The following MNAT1 variants were observed in gnomAD, a reference collection of about 807,000 sequenced individuals.
MNAT1 encodes CDK-activating kinase assembly factor MAT1.
In MNAT1, 43 loss-of-function variants were observed where a neutral mutation model predicts 42.0. That is an observed-to-expected ratio of 1.02 (90% CI 0.80 to 1.32). The LOEUF is 1.32. Ranked by LOEUF, MNAT1 falls within the 40% of genes most tolerant of loss-of-function variation. The pLI, the probability that MNAT1 is intolerant of heterozygous loss-of-function variation, is 0.00. For synonymous variants in MNAT1, 118 were observed against 120.0 expected (o/e 0.98, Z 0.11); for missense variants, 306 against 350.4 (o/e 0.87, Z 1.01).
intron 7 of MNAT1, among the ~76,000 whole-genome samples, chr14:60,933,327 A>T (rs1439941098): frequency 1.3e-5 from 2 of 152,040 alleles, no homozygotes; most frequent in East Asian, 3.8e-4. Context: ...TCTTCCGTAT[A>T]ATTTTGGCAT....
At chr14:60,787,418 G>A (rs999200484) in intron 1 of MNAT1, among the ~76,000 whole-genome samples, 1 of 152,146 alleles carries the variant, frequency 6.6e-6, no homozygotes, top group African/African-American at 2.4e-5. Context: ...TATAATCTTT[G>A]TGCTAGTAGA....
In MNAT1 at chr14:60,915,342, C is replaced by T. The variant is rs897184569; in HGVS notation, c.809+35507C>T. Reference sequence around the variant, plus strand: ...ATTATCTCTTAATGCAATTATATTACGTTTTGAAAATTGAGTCATCTTCCC... The same window carrying T: ...ATTATCTCTTAATGCAATTATATTATGTTTTGAAAATTGAGTCATCTTCCC... On this transcript the variant is annotated intron_variant, in intron 7 of 7. Coordinates refer to ENST00000261245, the MANE Select transcript of MNAT1 (RefSeq NM_002431.4). Among the ~76,000 whole-genome samples the T allele has an allele frequency of 9.2e-5, 14 of 152,184 alleles. No individual in the cohort carries two copies. The South Asian group carries it at 1.0e-3, about 11-fold the overall frequency.
chr14:60,823,607 C>T (rs1023494896), intron 6 of MNAT1, among the ~76,000 whole-genome samples: 1 of 152,144 alleles, frequency 6.6e-6, no homozygotes, highest in Non-Finnish European at 1.5e-5. Context: ...GCCTATAATC[C>T]CAGCACTTTG....
chr14:60,967,172 T>C (rs761614899), intron 7 of MNAT1, among the ~76,000 whole-genome samples: 4 of 152,332 alleles, frequency 2.6e-5, no homozygotes, highest in Admixed American at 2.0e-4. Context: ...TATATTGCTC[T>C]ATATGTTTTA....
At position 60,822,133 on chromosome 14, in the gene MNAT1, T is replaced by A. The variant is rs915117748; in HGVS notation, c.687+3286T>A. 5.3e-5 allele frequency among the ~76,000 whole-genome samples: 8 copies of A among 152,238 alleles called. No individual in the cohort carries two copies. In the East Asian group the frequency reaches 1.5e-3, roughly 29 times the overall value. ...TAACCTGGCTAGCCCTCTTAGATAG[T>A]CTTAGTGCTTTTCTTTGGCCTAAAG... On this transcript the variant is annotated intron_variant, in intron 6 of 7. Coordinates refer to ENST00000261245, the MANE Select transcript of MNAT1 (RefSeq NM_002431.4).
chr14:60,887,949 A>G (rs148204675), intron 7 of MNAT1, among the ~76,000 whole-genome samples: 145,280 of 145,790 alleles, frequency 1, 72,385 homozygotes, highest in Middle Eastern at 1. Flanking sequence ...AATTGTGGCA[A>G]TAATCAATAG....
At chr14:60,897,215 G>A (rs561063242) in intron 7 of MNAT1, among the ~76,000 whole-genome samples, 1 of 152,022 alleles carries the variant, frequency 6.6e-6, no homozygotes, top group South Asian at 2.1e-4. Context: ...TCATATATAT[G>A]GTTTCAGGCA....
intron 3 of MNAT1, among the ~76,000 whole-genome samples, chr14:60,806,922 A>C (rs953809889): frequency 2.6e-5 from 4 of 152,136 alleles, no homozygotes; most frequent in African/African-American, 7.2e-5. Context: ...CCTCCCTCTG[A>C]CTGTTTTGTG....
chr14:60,952,098 G>A (rs2036394695), intron 7 of MNAT1, among the ~76,000 whole-genome samples: 1 of 152,116 alleles, frequency 6.6e-6, no homozygotes, highest in Non-Finnish European at 1.5e-5. Flanking sequence ...ATGCAGGGCT[G>A]CAAGCCCAGT....
At chr14:60,920,483 G>A (rs749420597) in intron 7 of MNAT1, among the ~76,000 whole-genome samples, 4 of 151,948 alleles carry the variant, frequency 2.6e-5, no homozygotes, top group African/African-American at 9.7e-5. Flanking sequence ...GCAGTGGCGC[G>A]ATTTCGTCTC....
chr14:60,961,907 C>T (rs1303016378), intron 7 of MNAT1, among the ~76,000 whole-genome samples: 1 of 152,140 alleles, frequency 6.6e-6, no homozygotes, highest in Admixed American at 6.5e-5. Flanking sequence ...TTACATTAGA[C>T]AAACCAGAAT....
At chr14:60,869,038 A>ATTTT (rs1328532787) in intron 6 of MNAT1, among the ~76,000 whole-genome samples, 7 of 91,976 alleles carry the variant, frequency 7.6e-5, no homozygotes, top group East Asian at 7.3e-4. Flanking sequence ...ATATATATAT[A>ATTTT]TATTTTTTTT....
At chr14:60,884,214 T>C (rs2034612415) in intron 7 of MNAT1, among the ~76,000 whole-genome samples, 1 of 152,090 alleles carries the variant, frequency 6.6e-6, no homozygotes. Context: ...TATATATGGC[T>C]TTCATTATGT....
At chr14:60,913,320 C>T (rs1353949076) in intron 7 of MNAT1, among the ~76,000 whole-genome samples, 1 of 152,154 alleles carries the variant, frequency 6.6e-6, no homozygotes, top group Non-Finnish European at 1.5e-5. Flanking sequence ...GCCTTCCTCT[C>T]TCAACTCGTC....
chr14:60,878,972 T>C (rs2034491066), intron 6 of MNAT1, among the ~76,000 whole-genome samples: 1 of 152,204 alleles, frequency 6.6e-6, no homozygotes, highest in Non-Finnish European at 1.5e-5. Flanking sequence ...AGCTGAGATG[T>C]CTATGGTGTT....
At chr14:60,834,967 TCCTTCCTTCCTA>T (rs1170968469) in intron 6 of MNAT1, among the ~76,000 whole-genome samples, 1 of 146,912 alleles carries the variant, frequency 6.8e-6, no homozygotes, top group East Asian at 2.0e-4. Flanking sequence ...CTTCCTTCCT[TCCTTCCTTCCTA>T]CCTTGCTCCC....
At chr14:60,741,814 C>T (rs1896477165) in intron 1 of MNAT1, among the ~76,000 whole-genome samples, 1 of 151,814 alleles carries the variant, frequency 6.6e-6, no homozygotes, top group African/African-American at 2.4e-5. Flanking sequence ...GGCCCCCATC[C>T]ATTTACTTTC....
At chr14:60,941,145 A>G (rs924514115) in intron 7 of MNAT1, among the ~76,000 whole-genome samples, 1 of 152,194 alleles carries the variant, frequency 6.6e-6, no homozygotes, top group Non-Finnish European at 1.5e-5. Flanking sequence ...TATTTAAATA[A>G]TAAACAATGG....
rs537127876 is a variant in MNAT1 at position 60,923,362 on chromosome 14, A to G, written c.809+43527A>G. ...CTATACTTTGAGAACCACTAGCTTAATCTTCGTTAATAGCCTTCTAGACCT... is the reference window on the plus strand; with the variant it reads ...CTATACTTTGAGAACCACTAGCTTAGTCTTCGTTAATAGCCTTCTAGACCT... On this transcript the variant is annotated intron_variant, in intron 7 of 7. Transcript: ENST00000261245. Among the ~76,000 whole-genome samples the G allele has an allele frequency of 1.4e-3, 215 of 152,308 alleles. 1 individual carries two copies. Among genetic ancestry groups the G allele is most frequent in the Non-Finnish European group, 2.8e-3 (193 of 68,034 alleles).
Sources: gnomAD v4.1 joint callset for allele counts (sites outside exome capture counted in the v4.1 genomes callset) on GRCh38, gnomAD v4.1.1 for gene constraint, MANE v1.5 for transcripts, NCBI Gene and HGNC (gene_info 2026-07-23, HGNC 2026-07-21) for gene names.